The following TOR1AIP2 variants were observed in gnomAD, a reference collection of about 807,000 sequenced individuals.
The protein encoded by TOR1AIP2 is torsin-1A-interacting protein 2.
A neutral mutation model predicts 32.6 loss-of-function variants in TOR1AIP2; 20 were observed. The ratio of observed to expected loss-of-function variants is 0.61; its 90% CI spans 0.43 to 0.89. TOR1AIP2 has a LOEUF of 0.89. TOR1AIP2 is among the 40% of genes least tolerant of loss of function. The pLI is 0.00. For missense variants in TOR1AIP2, 456 were observed against 553.8 expected, an observed-to-expected ratio of 0.82 and a Z score of 1.77; for synonymous variants, 214 against 210.8, an observed-to-expected ratio of 1.02 and a Z score of -0.13.
chr1:179,846,915 T>C, intron 6 of TOR1AIP2, 87 bp from the exon 7 acceptor site: 1 of 1,418,696 alleles, frequency 7.0e-7, no homozygotes, highest in Non-Finnish European at 9.4e-7. Context: ...GAGGCAGAGA[T>C]ACCAGCAGGT....
At chr1:179,864,042 T>C (rs1696667848) in intron 3 of TOR1AIP2, 4 of 985,338 alleles carry the variant, frequency 4.1e-6, no homozygotes, top group East Asian at 1.1e-4. Context: ...GGGGAGGACG[T>C]TGTAAATTCA....
At chr1:179,852,580 C>T in intron 4 of TOR1AIP2, 52 bp downstream of exon 4, 1 of 1,595,984 alleles carries the variant, frequency 6.3e-7, no homozygotes, top group Non-Finnish European at 8.6e-7. Flanking sequence ...TCTCTCTGCA[C>T]ACCCCTGGTT....
chr1:179,864,678 T>C (rs1696694512), intron 3 of TOR1AIP2: 3 of 1,493,460 alleles, frequency 2.0e-6, no homozygotes, highest in East Asian at 2.3e-5. Flanking sequence ...GTTCCCAAAG[T>C]AGTGACAATC....
Position 179,851,026 on chromosome 1 carries a change from C to A in TOR1AIP2, c.372G>T (p.Lys124Asn), listed in dbSNP as rs369872700. The change falls in exon 5 of 7, where the codon AAG becomes AAT. Residue 124 changes from lysine to asparagine, a missense_variant. Lys to Asn is a moderately conservative substitution (Grantham distance 94). Coordinates refer to ENST00000609928, the MANE Select transcript of TOR1AIP2 (RefSeq NM_001199260.2). ...DPDPSHSPSD[K>N]VGRADAHLGS... Reference sequence around the variant, plus strand: ...CTAAGTGTGCATCTGCTCTTCCTACCTTGTCACTTGGAGAATGGCTGGGAT... The same window carrying A: ...CTAAGTGTGCATCTGCTCTTCCTACATTGTCACTTGGAGAATGGCTGGGAT... The A allele has an allele frequency of 6.2e-7, 1 of 1,614,076 alleles. No individual in the cohort carries two copies. Among genetic ancestry groups the A allele is most frequent in the African/African-American group, 1.3e-5 (1 of 74,930 alleles).
intron 3 of TOR1AIP2, chr1:179,859,047 C>T (rs764305395): frequency 4.1e-6 from 4 of 982,966 alleles, no homozygotes; most frequent in Non-Finnish European, 4.8e-6. Flanking sequence ...AAGTATATAT[C>T]TTTATTTTTA....
intron 3 of TOR1AIP2, chr1:179,864,479 A>G (rs557474773): frequency 9.1e-7 from 1 of 1,097,388 alleles, no homozygotes; most frequent in Non-Finnish European, 1.1e-6. Flanking sequence ...TATGACACTC[A>G]TTAGGTTGCA....
rs1447607181 is a variant in TOR1AIP2, at chr1:179,844,166, A to G, written c.*1905T>C. The G allele has an allele frequency of 6.6e-6, 1 of 152,214 alleles. No individual in the cohort carries two copies. Among genetic ancestry groups the G allele is most frequent in the Non-Finnish European group, 1.5e-5 (1 of 68,036 alleles). The allele number at this position is 152,214 out of a possible 1,614,324, so 9.4% of individuals were successfully genotyped here. On this transcript the variant is annotated 3_prime_UTR_variant, in exon 7 of 7. Coordinates refer to ENST00000609928, the MANE Select transcript of TOR1AIP2 (RefSeq NM_001199260.2). ...GACAGAAAAAATGTGCATATGGGATACAGATTTTCCTTCAACTTCCTCTGC... is the reference window on the plus strand; with the variant it reads ...GACAGAAAAAATGTGCATATGGGATGCAGATTTTCCTTCAACTTCCTCTGC...
intron 5 of TOR1AIP2, among the ~76,000 whole-genome samples, chr1:179,848,333 G>A (rs911265491): frequency 6.6e-6 from 1 of 152,262 alleles, no homozygotes; most frequent in Admixed American, 6.5e-5. Context: ...TCCAGTGTTC[G>A]AGTTTCACAT....
At chr1:179,872,108 C>T (rs1697033924) in intron 2 of TOR1AIP2, among the ~76,000 whole-genome samples, 1 of 152,192 alleles carries the variant, frequency 6.6e-6, no homozygotes, top group African/African-American at 2.4e-5. Context: ...TAGAAAATAG[C>T]TGCAGAATGT....
intron 3 of TOR1AIP2, chr1:179,861,582 G>A (rs2148443004): frequency 4.1e-6 from 4 of 985,300 alleles, no homozygotes; most frequent in Non-Finnish European, 4.8e-6. Context: ...TGTTTGTGAA[G>A]AAGACTGAAA....
intron 2 of TOR1AIP2, among the ~76,000 whole-genome samples, chr1:179,869,593 T>C (rs529873733): frequency 3.3e-5 from 5 of 152,334 alleles, no homozygotes; most frequent in African/African-American, 7.2e-5. Flanking sequence ...GTAACTTACA[T>C]TGGGATAAAG....
In TOR1AIP2 at chr1:179,846,350, G is replaced by C. The variant is rs1312914169; in HGVS notation, c.1134C>G (p.Phe378Leu). The C allele has an allele frequency of 6.2e-7, 1 of 1,614,168 alleles. No individual in the cohort carries two copies. The part of the protein sequence containing the change: ...ESFPAGSTLI[F>L]YKYCDHENAA... Reference sequence around the variant, plus strand: ...CATTCTCATGATCACAATACTTATAGAAGATCAAAGTGGAGCCGGCAGGGA... The same window carrying C: ...CATTCTCATGATCACAATACTTATACAAGATCAAAGTGGAGCCGGCAGGGA... Residue 378 changes from phenylalanine (F) to leucine (L), a missense_variant, in exon 7 of 7, where the codon TTC becomes TTG. Transcript: ENST00000609928.
intron 3 of TOR1AIP2, 25 bp from the exon 4 acceptor site, chr1:179,852,836 A>C: frequency 7.3e-7 from 1 of 1,379,040 alleles, no homozygotes; most frequent in African/African-American, 1.5e-5. Context: ...AAAAAAATTA[A>C]ATGACTTTTT....
At position 179,841,168 on chromosome 1, in the gene TOR1AIP2, A is replaced by C. The variant is rs1367858798; in HGVS notation, c.*4903T>G. On this transcript the variant is annotated 3_prime_UTR_variant, in exon 7 of 7. Coordinates refer to ENST00000609928, the MANE Select transcript of TOR1AIP2 (RefSeq NM_001199260.2). ...TATTATTCAACCAAGCATTTGCCAT[A>C]AAGATAAGCATCAACTTTCCCATTG... 6.6e-6 allele frequency: 1 copy of C among 152,226 alleles called. No individual in the cohort carries two copies. The highest frequency in any genetic ancestry group is 1.5e-5 in the Non-Finnish European group (1 of 68,036). The allele number at this position is 152,226 out of a possible 1,614,324, so 9.4% of individuals were successfully genotyped here.
At position 179,840,892 on chromosome 1, in the gene TOR1AIP2, A is replaced by AATAATAATAATAATAATAAT. The variant is rs1463036709; in HGVS notation, c.*5159_*5178dup. 1,864 of 131,304 alleles carry AATAATAATAATAATAATAAT rather than the reference A, an allele frequency of 0.014. 51 individuals carry two copies. Among genetic ancestry groups the AATAATAATAATAATAATAAT allele is most frequent in the African/African-American group, 0.045 (1,768 of 38,996 alleles). The allele number at this position is 131,304 out of a possible 1,614,324, so 8.1% of individuals were successfully genotyped here. The stretch of plus-strand genomic sequence containing the variant: ...ACATGTATCCCAGAACTTAAACTAT[A>AATAATAATAATAATAATAAT]ATAATAATAATAATAATAATAATAA... On this transcript the variant is annotated 3_prime_UTR_variant, in exon 7 of 7. Transcript: ENST00000609928.
At chr1:179,868,019 G>A (rs1342336162) in intron 2 of TOR1AIP2, 5 of 152,364 alleles carry the variant, frequency 3.3e-5, no homozygotes, top group Middle Eastern at 3.4e-3. Flanking sequence ...AGTGAAGAGA[G>A]GGGCCTGGGA....
At chr1:179,858,019 G>A (rs1696372182) in intron 3 of TOR1AIP2, among the ~76,000 whole-genome samples, 1 of 151,780 alleles carries the variant, frequency 6.6e-6, no homozygotes, top group South Asian at 2.1e-4. Flanking sequence ...AGCCAGGTAT[G>A]GTGTCACACG....
At chr1:179,869,692 A>G (rs2148455584) in intron 2 of TOR1AIP2, among the ~76,000 whole-genome samples, 1 of 152,328 alleles carries the variant, frequency 6.6e-6, no homozygotes, top group East Asian at 1.9e-4. Context: ...AAAGAAGCCT[A>G]CCTAATGGTT....
At chr1:179,853,802 TATAA>T (rs1193543435) in intron 3 of TOR1AIP2, among the ~76,000 whole-genome samples, 2 of 152,196 alleles carry the variant, frequency 1.3e-5, no homozygotes, top group Non-Finnish European at 2.9e-5. Context: ...TAAATGAATG[TATAA>T]ATAAAGAGTG....
Sources: gnomAD v4.1 joint callset for allele counts (sites outside exome capture counted in the v4.1 genomes callset) on GRCh38, gnomAD v4.1.1 for gene constraint, MANE v1.5 for transcripts, NCBI Gene and HGNC (gene_info 2026-07-23, HGNC 2026-07-21) for gene names.